The following BMPR2 variants were observed in gnomAD, a reference collection of about 807,000 sequenced individuals.
The protein encoded by BMPR2 is bone morphogenetic protein receptor type 2.
A neutral mutation model predicts 100.8 loss-of-function variants in BMPR2; 29 were observed. That is an observed-to-expected ratio of 0.29 (90% CI 0.21 to 0.39). The LOEUF (loss-of-function observed/expected upper bound fraction) is 0.39, where lower values mean the gene tolerates loss of function less well. BMPR2 is among the 10% of genes least tolerant of loss of function. The pLI is 1.00. For missense variants in BMPR2, 1,011 were observed against 1,274.5 expected, an observed-to-expected ratio of 0.79 and a Z score of 3.15; for synonymous variants, 382 against 442.3, an observed-to-expected ratio of 0.86 and a Z score of 1.71.
chr2:202,412,914 G>A, intron 1 of BMPR2, among the ~76,000 whole-genome samples: 1 of 148,824 alleles, frequency 6.7e-6, no homozygotes, highest in South Asian at 2.1e-4. Flanking sequence ...ACTATATGCT[G>A]TGTGTGTGTG....
At chr2:202,403,744 C>T (rs1349209293) in intron 1 of BMPR2, among the ~76,000 whole-genome samples, 1 of 152,102 alleles carries the variant, frequency 6.6e-6, no homozygotes, top group Non-Finnish European at 1.5e-5. Context: ...TGGTGGCTCA[C>T]GCCTATAATC....
At chr2:202,467,388 G>T in intron 2 of BMPR2, 131 bp from the exon 3 acceptor site, 1 of 801,630 alleles carries the variant, frequency 1.2e-6, no homozygotes, top group Non-Finnish European at 2.0e-6. Context: ...TATGTTTCCT[G>T]TTGATTTGCA....
At chr2:202,482,408 T>G (rs1692677464) in intron 3 of BMPR2, among the ~76,000 whole-genome samples, 1 of 152,160 alleles carries the variant, frequency 6.6e-6, no homozygotes, top group Non-Finnish European at 1.5e-5. Context: ...GGGTCTTGCT[T>G]TGTTGCCTAG....
At chr2:202,473,616 C>T (rs1476537003) in intron 3 of BMPR2, among the ~76,000 whole-genome samples, 1 of 151,778 alleles carries the variant, frequency 6.6e-6, no homozygotes, top group Non-Finnish European at 1.5e-5. Context: ...ATGGAAAAAC[C>T]CTGTCTCTAC....
chr2:202,419,727 T>C (rs1447309575), intron 1 of BMPR2, among the ~76,000 whole-genome samples: 1 of 152,130 alleles, frequency 6.6e-6, no homozygotes, highest in Non-Finnish European at 1.5e-5. Context: ...ATAAGTAAGA[T>C]CTTAAATGTT....
chr2:202,467,893 A>G (rs1232665270), intron 3 of BMPR2, among the ~76,000 whole-genome samples: 1 of 152,002 alleles, frequency 6.6e-6, no homozygotes, highest in Non-Finnish European at 1.5e-5. Context: ...TGCCAAAAGT[A>G]AAAAATTAGC....
intron 10 of BMPR2, among the ~76,000 whole-genome samples, chr2:202,543,191 C>CAT (rs1291988581): frequency 4.4e-4 from 45 of 101,410 alleles, no homozygotes; most frequent in East Asian, 8.1e-4. Context: ...AAAAAAAAAG[C>CAT]ATATATATAT....
At position 202,567,241 on chromosome 2, in the gene BMPR2, A is replaced by G. The variant is rs1688777915; in HGVS notation, c.*7295A>G. The G allele has an allele frequency of 6.6e-6, 1 of 152,622 alleles. No individual in the cohort carries two copies. Among genetic ancestry groups the G allele is most frequent in the Non-Finnish European group, 1.5e-5 (1 of 68,040 alleles). 9.5% of individuals were successfully genotyped at this position (152,622 alleles called of 1,614,324 possible). On this transcript the variant is annotated 3_prime_UTR_variant, in exon 13 of 13. Transcript: ENST00000374580. ...TGCGTAGCTGTCATGCTTTTTCTGAATGGACAGGAGAAACATAAGCTACGG... is the reference window on the plus strand; with the variant it reads ...TGCGTAGCTGTCATGCTTTTTCTGAGTGGACAGGAGAAACATAAGCTACGG...
intron 1 of BMPR2, among the ~76,000 whole-genome samples, chr2:202,443,467 T>A (rs930445588): frequency 6.6e-6 from 1 of 150,562 alleles, no homozygotes; most frequent in Admixed American, 6.6e-5. Context: ...TCTTTATATA[T>A]TCACCAACAC....
At position 202,513,761 on chromosome 2, in the gene BMPR2, C is replaced by T. The variant is rs373414709; in HGVS notation, c.461C>T (p.Ala154Val). 6.2e-7 allele frequency: 1 copy of T among 1,613,354 alleles called. No individual in the cohort carries two copies. The highest frequency in any genetic ancestry group is 1.3e-5 in the African/African-American group (1 of 74,982). ...SFNRDETIIIALASVSVLAVL... is the reference protein window; with the variant it reads ...SFNRDETIIIVLASVSVLAVL... Reference sequence around the variant, plus strand: ...AACCGAGATGAGACAATAATCATTGCTTTGGCATCAGTCTCTGTATTAGCT... The same window carrying T: ...AACCGAGATGAGACAATAATCATTGTTTTGGCATCAGTCTCTGTATTAGCT... Residue 154 changes from alanine to valine, a missense_variant, in exon 4 of 13, where the codon GCT becomes GTT. Coordinates refer to ENST00000374580, the MANE Select transcript of BMPR2 (RefSeq NM_001204.7).
At chr2:202,558,664 C>T (rs954976735) in intron 12 of BMPR2, among the ~76,000 whole-genome samples, 3 of 151,750 alleles carry the variant, frequency 2.0e-5, no homozygotes, top group Admixed American at 6.6e-5. Flanking sequence ...GAGGCTGAGG[C>T]GGGCGGATCA....
intron 1 of BMPR2, among the ~76,000 whole-genome samples, chr2:202,453,686 CAG>C (rs1692033483): frequency 6.6e-6 from 1 of 151,948 alleles, no homozygotes; most frequent in Non-Finnish European, 1.5e-5. Flanking sequence ...GGGGTAAGGA[CAG>C]GGCAGAAGTG....
At chr2:202,433,207 A>G (rs1166454433) in intron 1 of BMPR2, among the ~76,000 whole-genome samples, 1 of 150,512 alleles carries the variant, frequency 6.6e-6, no homozygotes, top group South Asian at 2.1e-4. Flanking sequence ...TAGGACTTGT[A>G]TTAGTCAGGA....
intron 3 of BMPR2, among the ~76,000 whole-genome samples, chr2:202,488,093 G>A (rs1692817471): frequency 6.6e-6 from 1 of 152,112 alleles, no homozygotes; most frequent in Non-Finnish European, 1.5e-5. Context: ...TCATTCAACA[G>A]GTATTGAATA....
chr2:202,527,862 C>T (rs368066523), intron 7 of BMPR2, among the ~76,000 whole-genome samples: 2 of 151,964 alleles, frequency 1.3e-5, no homozygotes, highest in East Asian at 3.9e-4. Flanking sequence ...TGTTTCTTGA[C>T]TTACAATGGG....
intron 11 of BMPR2, 84 bp downstream of exon 11, chr2:202,552,972 C>T: frequency 6.6e-7 from 1 of 1,515,342 alleles, no homozygotes; most frequent in East Asian, 2.3e-5. Context: ...TACTTTTAAA[C>T]CAGCCTAATA....
chr2:202,520,877 A>G (rs1276886648), intron 7 of BMPR2: 1 of 153,920 alleles, frequency 6.5e-6, no homozygotes, highest in African/African-American at 2.4e-5. Flanking sequence ...TTATCAGAAG[A>G]TCTGTTACCA....
intron 1 of BMPR2, among the ~76,000 whole-genome samples, chr2:202,433,284 T>C (rs1444462266): frequency 4.0e-5 from 6 of 150,448 alleles, no homozygotes; most frequent in Non-Finnish European, 7.3e-5. Context: ...TAGATAGATA[T>C]ATGTATAGAT....
chr2:202,545,155 T>G (rs1203724440), intron 10 of BMPR2, among the ~76,000 whole-genome samples: 2 of 136,924 alleles, frequency 1.5e-5, no homozygotes, highest in Admixed American at 1.5e-4. Context: ...CTAAGAATCA[T>G]TTTTTTCTTA....
Sources: allele counts gnomAD v4.1 joint callset (sites outside exome capture counted in the v4.1 genomes callset), GRCh38; gene constraint gnomAD v4.1.1; transcripts MANE v1.5; gene names NCBI Gene and HGNC (gene_info 2026-07-23, HGNC 2026-07-21).